Variants in SLC39A8 observed in about 807,000 individuals in gnomAD.
The protein encoded by SLC39A8 is solute carrier family 39 member 8.
Under a neutral mutation model 40.4 loss-of-function variants are expected in SLC39A8, and 15 were observed. The ratio of observed to expected loss-of-function variants is 0.37; its 90% CI spans 0.25 to 0.57. The LOEUF (loss-of-function observed/expected upper bound fraction) is 0.57, where lower values mean the gene tolerates loss of function less well. Among genes scored for constraint, SLC39A8 ranks in the 20% least tolerant of loss-of-function variants. The probability of loss-of-function intolerance (pLI) is 0.75; values close to 1 mark genes in which losing one functional copy is unlikely to be tolerated. For synonymous variants in SLC39A8, 223 were observed against 221.6 expected (o/e 1.01, Z -0.06); for missense variants, 472 against 558.8 (o/e 0.84, Z 1.57).
At chr4:102,330,678 G>C (rs1325422727) in intron 2 of SLC39A8, among the ~76,000 whole-genome samples, 1 of 151,732 alleles carries the variant, frequency 6.6e-6, no homozygotes, top group Non-Finnish European at 1.5e-5. Flanking sequence ...ATTTTACGAG[G>C]TCAGCATCAT....
At chr4:102,253,390 G>A (rs917960793) in exon 12 of SLC39A8, 1 of 715,494 alleles carries the variant, frequency 1.4e-6, no homozygotes, top group African/African-American at 1.8e-5. Flanking sequence ...TTGCAGAGAT[G>A]TGGAGGTGAA....
rs1735506687 is a variant in SLC39A8 at position 102,332,429 on chromosome 4, A to T, written c.219+12015T>A. The stretch of plus-strand genomic sequence containing the variant: ...ATGAAAAAAAGCTCATCATCCACTG[A>T]TTGTTAGAGAAATGCAAATCAAAAC... On this transcript the variant is annotated intron_variant, in intron 2 of 8. Transcript: ENST00000356736. Among the ~76,000 whole-genome samples the T allele has an allele frequency of 2.0e-5, 3 of 152,206 alleles. No individual in the cohort carries two copies. The South Asian group carries it at 6.2e-4, about 31-fold the overall frequency.
intron 6 of SLC39A8, among the ~76,000 whole-genome samples, chr4:102,292,156 T>C (rs1373731900): frequency 6.6e-6 from 1 of 152,032 alleles, no homozygotes; most frequent in African/African-American, 2.4e-5. Flanking sequence ...GATAGCATAA[T>C]GTATAGTTCA....
chr4:102,335,012 C>A (rs1169813367), intron 2 of SLC39A8, among the ~76,000 whole-genome samples: 3 of 152,146 alleles, frequency 2.0e-5, no homozygotes, highest in Admixed American at 6.5e-5. Context: ...GTTTCCTCTG[C>A]CACAGTAAAG....
In SLC39A8 at chr4:102,267,649, T is replaced by C. The variant is rs1210400836; in HGVS notation, c.1074A>G (p.Ala358=). Residue 358 remains alanine, a synonymous_variant, in exon 8 of 9, where the codon GCA becomes GCG. Transcript: ENST00000356736. The stretch of plus-strand genomic sequence containing the variant: ...GCAAGGCTTGTCGAGTGCTCATCCC[T>C]GCATTGAGTAGGATCACAAAGTCTC... ...ELGDFVILLN[A]GMSTRQALLF... 1.7e-5 allele frequency: 28 copies of C among 1,600,774 alleles called. No individual in the cohort carries two copies. The highest frequency in any genetic ancestry group is 2.4e-5 in the Non-Finnish European group (28 of 1,176,294).
At chr4:102,258,248 G>A (rs1359267618), downstream of SLC39A8, among the ~76,000 whole-genome samples, 2 of 152,038 alleles carry the variant, frequency 1.3e-5, no homozygotes, top group Admixed American at 6.6e-5. Flanking sequence ...GGGACTACAG[G>A]TGTGTGTAAG....
At chr4:102,256,617 T>G (rs1731714050) in intron 11 of SLC39A8, among the ~76,000 whole-genome samples, 1 of 152,216 alleles carries the variant, frequency 6.6e-6, no homozygotes, top group South Asian at 2.1e-4. Context: ...CCTAAAATGT[T>G]TAATGATAAT....
chr4:102,258,218 C>T (rs549452364), downstream of SLC39A8, among the ~76,000 whole-genome samples: 45 of 151,898 alleles, frequency 3.0e-4, no homozygotes, highest in African/African-American at 1.0e-3. Context: ...CATTCTCCTG[C>T]CTCAGCCTCC....
downstream of SLC39A8, among the ~76,000 whole-genome samples, chr4:102,258,937 C>T (rs939145704): frequency 6.6e-6 from 1 of 152,182 alleles, no homozygotes; most frequent in South Asian, 2.1e-4. Flanking sequence ...ACACACCACT[C>T]GGCTCACACT....
At chr4:102,289,954 G>A (rs1386857210) in intron 6 of SLC39A8, among the ~76,000 whole-genome samples, 6 of 152,162 alleles carry the variant, frequency 3.9e-5, no homozygotes, top group African/African-American at 7.2e-5. Flanking sequence ...TTCAGAGGAT[G>A]GCATCCAATG....
At chr4:102,345,062 A>T (rs1405779198) in intron 1 of SLC39A8, 147 bp from the exon 2 acceptor site, 1 of 275,324 alleles carries the variant, frequency 3.6e-6, no homozygotes, top group Non-Finnish European at 5.9e-6. Flanking sequence ...CAAACGCCCC[A>T]GGATTTGCGT....
At chr4:102,318,563 T>G (rs1734760586) in intron 2 of SLC39A8, among the ~76,000 whole-genome samples, 1 of 152,164 alleles carries the variant, frequency 6.6e-6, no homozygotes. Context: ...AAAGCAGTTG[T>G]CTTAGAAAGG....
downstream of SLC39A8, chr4:102,261,650 C>A: frequency 1.1e-6 from 1 of 950,930 alleles, no homozygotes; most frequent in Non-Finnish European, 1.3e-6. Context: ...TATTAAATAA[C>A]AAATGACACA....
chr4:102,273,995 AC>A (rs2149009844), intron 6 of SLC39A8, among the ~76,000 whole-genome samples: 1 of 152,356 alleles, frequency 6.6e-6, no homozygotes, highest in South Asian at 2.1e-4. Flanking sequence ...ATGAGGGAAA[AC>A]CAGCACAAAA....
chr4:102,329,297 G>A (rs1234621336), intron 2 of SLC39A8, among the ~76,000 whole-genome samples: 1 of 152,152 alleles, frequency 6.6e-6, no homozygotes, highest in Non-Finnish European at 1.5e-5. Context: ...GAAGTCATGT[G>A]AGGATAGTGA....
At chr4:102,329,216 T>G (rs769856011) in intron 2 of SLC39A8, among the ~76,000 whole-genome samples, 1 of 151,950 alleles carries the variant, frequency 6.6e-6, no homozygotes, top group African/African-American at 2.4e-5. Context: ...TGGAGAAATA[T>G]GGGAGTGGGG....
At chr4:102,258,885 C>T (rs1388243108), downstream of SLC39A8, among the ~76,000 whole-genome samples, 1 of 152,156 alleles carries the variant, frequency 6.6e-6, no homozygotes, top group East Asian at 1.9e-4. Context: ...CAAGATAGTA[C>T]CCCTCTTACA....
In SLC39A8 at chr4:102,344,878, G is replaced by A. The variant is rs1226511858; in HGVS notation, c.-216C>T. The A allele has an allele frequency of 7.7e-7, 1 of 1,304,724 alleles. No individual in the cohort carries two copies. The highest frequency in any genetic ancestry group is 9.7e-7 in the Non-Finnish European group (1 of 1,031,934). 80.8% of individuals were successfully genotyped at this position (1,304,724 alleles called of 1,614,324 possible). ...TGAAGTGGCAGCGTAGCCGAGGGGA[G>A]CGATAGGCGGAGTGGGCCCCCCGGC... On this transcript the variant is annotated 5_prime_UTR_variant, in exon 2 of 9. Transcript: ENST00000356736.
chr4:102,309,423 C>G (rs989732007), intron 3 of SLC39A8, among the ~76,000 whole-genome samples: 1 of 152,034 alleles, frequency 6.6e-6, no homozygotes, highest in African/African-American at 2.4e-5. Flanking sequence ...CTTCACCTAA[C>G]AGCCCACTTC....
Sources: gnomAD v4.1 joint callset for allele counts (sites outside exome capture counted in the v4.1 genomes callset) on GRCh38, gnomAD v4.1.1 for gene constraint, MANE v1.5 for transcripts, NCBI Gene and HGNC (gene_info 2026-07-23, HGNC 2026-07-21) for gene names.